DNAH8: variants seen among roughly 807,000 people sequenced by gnomAD.
DNAH8 encodes dynein axonemal heavy chain 8, also known as axonemal beta dynein heavy chain 8.
DNAH8 carries 382 observed loss-of-function variants against 562.1 expected under a neutral mutation model. The ratio of observed to expected loss-of-function variants is 0.68; its 90% CI spans 0.63 to 0.74. The LOEUF (loss-of-function observed/expected upper bound fraction) is 0.74, where lower values mean the gene tolerates loss of function less well. DNAH8 is among the 30% of genes least tolerant of loss of function. The probability of loss-of-function intolerance (pLI) is 0.00; values close to 1 mark genes in which losing one functional copy is unlikely to be tolerated. For synonymous variants in DNAH8, 1,881 were observed against 1,919.4 expected, an observed-to-expected ratio of 0.98 and a Z score of 0.52; for missense variants, 5,203 against 5,620.4, an observed-to-expected ratio of 0.93 and a Z score of 2.37.
chr6:38,876,355 C>T (rs1777996427), intron 53 of DNAH8, among the ~76,000 whole-genome samples: 1 of 120,306 alleles, frequency 8.3e-6, no homozygotes, highest in Non-Finnish European at 1.8e-5. Flanking sequence ...CATCCAGAGC[C>T]CAGGCCCTGA....
In DNAH8 at chr6:38,862,399, T is replaced by C. The variant is rs914390992; in HGVS notation, c.6251T>C (p.Val2084Ala). The C allele has an allele frequency of 1.2e-6, 2 of 1,614,166 alleles. No homozygotes were observed. Among genetic ancestry groups the C allele is most frequent in the East Asian group, 4.5e-5 (2 of 44,882 alleles). Reference protein sequence around the residue: ...KDMGRCLGKYVVVFNCSDQMD... With the variant: ...KDMGRCLGKYAVVFNCSDQMD... ...ATGGGAAGGTGTTTGGGAAAATATGTGGTCGTGTTCAATTGCTCAGATCAA... is the reference window on the plus strand; with the variant it reads ...ATGGGAAGGTGTTTGGGAAAATATGCGGTCGTGTTCAATTGCTCAGATCAA... The change falls in exon 44 of 93, where the codon GTG becomes GCG. Residue 2084 changes from valine (V) to alanine (A), a missense_variant. By Grantham distance (64) the Val-to-Ala change is moderately conservative. Coordinates refer to ENST00000327475, the MANE Select transcript of DNAH8 (RefSeq NM_001206927.2).
chr6:38,826,645 A>G (rs369060167), intron 29 of DNAH8, among the ~76,000 whole-genome samples: 10 of 152,258 alleles, frequency 6.6e-5, no homozygotes, highest in East Asian at 5.8e-4. Flanking sequence ...GTAGTGTTTA[A>G]TTTTTGATAC....
intron 36 of DNAH8, among the ~76,000 whole-genome samples, chr6:38,846,850 C>A (rs992542825): frequency 3.3e-5 from 5 of 152,172 alleles, no homozygotes; most frequent in Admixed American, 3.3e-4. Context: ...TTGGACATAA[C>A]CTGATGAGTA....
chr6:38,802,543 A>G (rs909863918), intron 21 of DNAH8, among the ~76,000 whole-genome samples: 1 of 152,270 alleles, frequency 6.6e-6, no homozygotes, highest in Admixed American at 6.5e-5. Context: ...AGAAGAGTTT[A>G]GAAAGACAAA....
At chr6:38,960,352 T>C (rs887866956) in intron 82 of DNAH8, among the ~76,000 whole-genome samples, 1 of 151,844 alleles carries the variant, frequency 6.6e-6, no homozygotes, top group Non-Finnish European at 1.5e-5. Flanking sequence ...GAGAAAATAT[T>C]TGCAAACTAT....
At chr6:38,825,450 A>G (rs578081750) in intron 28 of DNAH8, among the ~76,000 whole-genome samples, 7 of 152,304 alleles carry the variant, frequency 4.6e-5, no homozygotes, top group Admixed American at 1.3e-4. Flanking sequence ...GAAAAGGTTT[A>G]TCCCAGAATC....
intron 1 of DNAH8, among the ~76,000 whole-genome samples, chr6:38,715,790 A>ACCGATCTCGGCTCACTGC (rs1554190059): frequency 2.8e-5 from 4 of 143,396 alleles, no homozygotes; most frequent in Admixed American, 7.1e-5. Context: ...GTGAGGGATG[A>ACCGATCTCGGCTCACTGC]AACAACTACA....
chr6:38,929,679 A>T lies in DNAH8; in HGVS notation c.11274+13A>T. 9.3e-7 allele frequency: 1 copy of T among 1,070,804 alleles called. No individual in the cohort carries two copies. Among genetic ancestry groups the T allele is most frequent in the East Asian group, 3.2e-5 (1 of 31,292 alleles). The allele number at this position is 1,070,804 out of a possible 1,614,324, so 66.3% of individuals were successfully genotyped here. A position where few individuals can be genotyped will look rare whatever the true frequency, so the allele number is the denominator to read the frequency against. On this transcript the variant is annotated intron_variant, in intron 75 of 92. Coordinates refer to ENST00000327475, the MANE Select transcript of DNAH8 (RefSeq NM_001206927.2). ...CACCACTTTCAAGGTGAGCTTTGTAAAAAAAAAAAAAAAGAAAGAAAGAAA... is the reference window on the plus strand; with the variant it reads ...CACCACTTTCAAGGTGAGCTTTGTATAAAAAAAAAAAAAGAAAGAAAGAAA...
intron 70 of DNAH8, among the ~76,000 whole-genome samples, chr6:38,920,364 A>G (rs760550233): frequency 1.3e-5 from 2 of 152,212 alleles, no homozygotes; most frequent in Non-Finnish European, 2.9e-5. Flanking sequence ...CTAAATTCAA[A>G]TAAACATTGA....
chr6:38,986,138 A>T (rs539884284), intron 87 of DNAH8, among the ~76,000 whole-genome samples: 44 of 152,338 alleles, frequency 2.9e-4, no homozygotes, highest in African/African-American at 1.0e-3. Flanking sequence ...TCCCAGAGAA[A>T]TTCTCAGAAT....
At chr6:38,921,239 T>G in intron 70 of DNAH8, 130 bp from the exon 71 acceptor site, 9 of 1,072,376 alleles carry the variant, frequency 8.4e-6, no homozygotes, top group Non-Finnish European at 1.2e-5. Context: ...CTTTCCCAGC[T>G]GAAGACACGG....
At chr6:39,007,589 C>T (rs1317946510) in intron 88 of DNAH8, among the ~76,000 whole-genome samples, 1 of 152,150 alleles carries the variant, frequency 6.6e-6, no homozygotes, top group Non-Finnish European at 1.5e-5. Flanking sequence ...AGTGGCTGCC[C>T]ATTGCCTTTA....
intron 17 of DNAH8, among the ~76,000 whole-genome samples, chr6:38,785,351 T>C (rs1354130645): frequency 6.6e-6 from 1 of 152,160 alleles, no homozygotes; most frequent in African/African-American, 2.4e-5. Context: ...TACGATGAAA[T>C]GCTTGTCTTG....
At chr6:38,976,116 C>A (rs187037790) in intron 85 of DNAH8, among the ~76,000 whole-genome samples, 1 of 152,334 alleles carries the variant, frequency 6.6e-6, no homozygotes, top group Non-Finnish European at 1.5e-5. Context: ...CTGAATATCT[C>A]TTAAAATCAA....
At chr6:38,952,844 C>A (rs145486255) in intron 82 of DNAH8, among the ~76,000 whole-genome samples, 3 of 152,330 alleles carry the variant, frequency 2.0e-5, no homozygotes, top group East Asian at 1.9e-4. Flanking sequence ...AAGTCTCATT[C>A]GCTATCTTCA....
intron 5 of DNAH8, 109 bp from the exon 6 acceptor site, chr6:38,736,958 A>G (rs1412081404): frequency 3.1e-5 from 23 of 739,572 alleles, no homozygotes; most frequent in Non-Finnish European, 4.4e-5. Context: ...CTAATAGTTT[A>G]TAAAATGTAT....
chr6:38,818,982 C>T (rs1044441468), intron 26 of DNAH8, among the ~76,000 whole-genome samples: 3 of 152,202 alleles, frequency 2.0e-5, no homozygotes, highest in African/African-American at 7.2e-5. Context: ...TCTTGCTGGA[C>T]ATTTATTACT....
chr6:38,810,706 C>T (rs1392369786), intron 24 of DNAH8, among the ~76,000 whole-genome samples: 2 of 152,108 alleles, frequency 1.3e-5, no homozygotes, highest in South Asian at 2.1e-4. Context: ...TATTTTATTC[C>T]TGTTTGATGT....
intron 12 of DNAH8, 28 bp downstream of exon 12, chr6:38,770,587 A>T: frequency 6.6e-7 from 1 of 1,525,952 alleles, no homozygotes; most frequent in Non-Finnish European, 8.7e-7. Flanking sequence ...ATCGTACCCC[A>T]CTCCACACCA....
Sources: gnomAD v4.1 joint callset for allele counts (sites outside exome capture counted in the v4.1 genomes callset) on GRCh38, gnomAD v4.1.1 for gene constraint, MANE v1.5 for transcripts, NCBI Gene and HGNC (gene_info 2026-07-23, HGNC 2026-07-21) for gene names.